Variants in ADAMTSL1 observed in about 807,000 individuals in gnomAD.
ADAMTSL1 encodes ADAMTS like 1, also known as ADAMTS-like protein 1.
In ADAMTSL1, 126 loss-of-function variants were observed where a neutral mutation model predicts 201.8. That is an observed-to-expected ratio of 0.62 (90% CI 0.54 to 0.72). The LOEUF (loss-of-function observed/expected upper bound fraction) is 0.72. ADAMTSL1 is among the 30% of genes least tolerant of loss of function. The probability of loss-of-function intolerance (pLI) is 0.00; values close to 1 mark genes in which losing one functional copy is unlikely to be tolerated. For synonymous variants in ADAMTSL1, 1,121 were observed against 903.4 expected, an observed-to-expected ratio of 1.24 and a Z score of -4.32; for missense variants, 2,679 against 2,277.8, an observed-to-expected ratio of 1.18 and a Z score of -3.59.
chr9:18,073,674 A>AT (rs1344267018), intron 1 of ADAMTSL1, among the ~76,000 whole-genome samples: 1 of 152,188 alleles, frequency 6.6e-6, no homozygotes, highest in Non-Finnish European at 1.5e-5. Flanking sequence ...ATATGCATGC[A>AT]TTTTTTATAA....
At chr9:18,603,201 C>G (rs980193882) in intron 4 of ADAMTSL1, among the ~76,000 whole-genome samples, 8 of 151,956 alleles carry the variant, frequency 5.3e-5, no homozygotes, top group African/African-American at 1.9e-4. Context: ...CTTATAACAA[C>G]AACTCTTGGA....
intron 2 of ADAMTSL1, among the ~76,000 whole-genome samples, chr9:18,280,290 G>C (rs1278463542): frequency 6.6e-6 from 1 of 152,020 alleles, no homozygotes; most frequent in African/African-American, 2.4e-5. Context: ...GCCTTGGTCA[G>C]GCCTGAAACT....
chr9:18,400,293 T>G (rs112199475), intron 2 of ADAMTSL1, among the ~76,000 whole-genome samples: 48 of 152,324 alleles, frequency 3.2e-4, no homozygotes, highest in African/African-American at 1.1e-3. Flanking sequence ...GTTGGTGATA[T>G]CTCTTTCTTG....
chr9:18,437,137 G>A (rs1392399751), intron 2 of ADAMTSL1, among the ~76,000 whole-genome samples: 1 of 151,830 alleles, frequency 6.6e-6, no homozygotes, highest in African/African-American at 2.4e-5. Context: ...GGGACACTCT[G>A]CGCATCAAAA....
chr9:18,368,080 A>T (rs1475096655), intron 2 of ADAMTSL1, among the ~76,000 whole-genome samples: 4 of 145,742 alleles, frequency 2.7e-5, no homozygotes, highest in South Asian at 2.2e-4. Flanking sequence ...TTTTTTTTTT[A>T]ATTTTTTTTT....
intron 1 of ADAMTSL1, among the ~76,000 whole-genome samples, chr9:18,103,185 G>A (rs954276832): frequency 7.2e-5 from 11 of 152,230 alleles, no homozygotes; most frequent in African/African-American, 2.4e-4. Context: ...TTAGATTGCA[G>A]AATGTTAGAA....
At chr9:18,412,804 GATGTTC>G (rs1434233726) in intron 2 of ADAMTSL1, among the ~76,000 whole-genome samples, 1 of 152,134 alleles carries the variant, frequency 6.6e-6, no homozygotes, top group Non-Finnish European at 1.5e-5. Context: ...GGAACAACAA[GATGTTC>G]CAGGCTAAGC....
chr9:17,920,376 T>A (rs1381203628), intron 1 of ADAMTSL1, among the ~76,000 whole-genome samples: 1 of 152,204 alleles, frequency 6.6e-6, no homozygotes, highest in Non-Finnish European at 1.5e-5. Flanking sequence ...TCTGTTGAAC[T>A]GGCCTATTTC....
chr9:18,821,039 C>T (rs929656741), intron 21 of ADAMTSL1, among the ~76,000 whole-genome samples: 7 of 152,126 alleles, frequency 4.6e-5, no homozygotes, highest in African/African-American at 1.7e-4. Flanking sequence ...GGGGCTAGAT[C>T]TTACATGTTC....
At chr9:17,921,870 G>A (rs1354653522) in intron 1 of ADAMTSL1, among the ~76,000 whole-genome samples, 3 of 151,966 alleles carry the variant, frequency 2.0e-5, no homozygotes, top group Non-Finnish European at 4.4e-5. Flanking sequence ...TAATTTTTCA[G>A]TAACAGCTCA....
intron 3 of ADAMTSL1, among the ~76,000 whole-genome samples, chr9:18,571,924 G>T (rs948067737): frequency 6.6e-6 from 1 of 152,178 alleles, no homozygotes; most frequent in Admixed American, 6.5e-5. Flanking sequence ...CAGTTGCGGT[G>T]GCTCATGCCT....
chr9:18,451,941 G>A (rs747665345), intron 2 of ADAMTSL1, among the ~76,000 whole-genome samples: 5 of 152,158 alleles, frequency 3.3e-5, no homozygotes, highest in Admixed American at 1.3e-4. Context: ...ACCGAGTTTC[G>A]CTTTTGTTTC....
chr9:18,405,909 A>G lies in ADAMTSL1; in HGVS notation c.208-98920A>G, dbSNP rs546087511. On this transcript the variant is annotated intron_variant, in intron 2 of 29. Coordinates refer to the ADAMTSL1 transcript ENST00000680146. ...TTTTAAAAAAACAATTACTCTTGGG[A>G]ACTATTTCTGCTCTTTCTAAGCAGA... is the stretch of plus-strand genomic sequence containing the variant. 5.3e-5 allele frequency among the ~76,000 whole-genome samples: 8 copies of G among 152,264 alleles called. No homozygotes were observed. In the East Asian group the frequency reaches 1.3e-3, roughly 26 times the overall value.
At chr9:18,516,961 G>C (rs1587432446) in intron 2 of ADAMTSL1, among the ~76,000 whole-genome samples, 1 of 152,212 alleles carries the variant, frequency 6.6e-6, no homozygotes, top group South Asian at 2.1e-4. Context: ...AAGGATTGGA[G>C]AACTTTTGTC....
intron 13 of ADAMTSL1, among the ~76,000 whole-genome samples, chr9:18,705,225 A>C (rs1260240987): frequency 6.6e-6 from 1 of 152,218 alleles, no homozygotes; most frequent in East Asian, 1.9e-4. Context: ...TTGTCTGCCA[A>C]AGTCAAGGTT....
intron 23 of ADAMTSL1, among the ~76,000 whole-genome samples, chr9:18,868,580 C>T (rs537153236): frequency 6.6e-6 from 1 of 152,324 alleles, no homozygotes; most frequent in African/African-American, 2.4e-5. Context: ...TTACATTCCA[C>T]TCTTGCTGGT....
At chr9:18,872,642 T>C (rs992505958) in intron 23 of ADAMTSL1, among the ~76,000 whole-genome samples, 4 of 152,214 alleles carry the variant, frequency 2.6e-5, no homozygotes, top group African/African-American at 7.2e-5. Context: ...CCAATTCCAT[T>C]CAGGTTGCTG....
chr9:18,738,563 C>T (rs1818647625), intron 15 of ADAMTSL1, among the ~76,000 whole-genome samples: 1 of 152,074 alleles, frequency 6.6e-6, no homozygotes, highest in Non-Finnish European at 1.5e-5. Flanking sequence ...TTTTTTGCAA[C>T]TTCTGTGTAA....
chr9:18,094,342 T>C (rs1824150829), intron 1 of ADAMTSL1, among the ~76,000 whole-genome samples: 1 of 152,214 alleles, frequency 6.6e-6, no homozygotes, highest in Admixed American at 6.5e-5. Flanking sequence ...ATTCCCTGAT[T>C]ACTCACCATA....
Sources: gnomAD v4.1 joint callset for allele counts (sites outside exome capture counted in the v4.1 genomes callset) on GRCh38, gnomAD v4.1.1 for gene constraint, MANE v1.5 for transcripts, NCBI Gene and HGNC (gene_info 2026-07-23, HGNC 2026-07-21) for gene names.